The following CHEK1 variants were observed in gnomAD, a reference collection of about 807,000 sequenced individuals.
CHEK1 encodes the protein serine/threonine-protein kinase Chk1.
In CHEK1, 32 loss-of-function variants were observed where a neutral mutation model predicts 60.2. The observed-to-expected ratio is 0.53, with a 90% CI of 0.40 to 0.71. The LOEUF is 0.71. CHEK1 is among the 30% of genes least tolerant of loss of function. The pLI is 0.00. For synonymous variants in CHEK1, 179 were observed against 187.2 expected (o/e 0.96, Z 0.36); for missense variants, 399 against 564.6 (o/e 0.71, Z 2.97).
At chr11:125,643,471 TGACAGAGC>T (rs968986007) in intron 8 of CHEK1, 1 of 179,204 alleles carries the variant, frequency 5.6e-6, no homozygotes, top group African/African-American at 2.4e-5. Flanking sequence ...CCAGCCTGGG[TGACAGAGC>T]GAGACTCCGT....
chr11:125,632,384 C>T (rs2135987355), intron 5 of CHEK1, among the ~76,000 whole-genome samples: 2 of 152,258 alleles, frequency 1.3e-5, no homozygotes, highest in Non-Finnish European at 2.9e-5. Context: ...AATAGAGGGC[C>T]TTTTCTAACT....
At chr11:125,659,579 A>G (rs1410449520), downstream of CHEK1, among the ~76,000 whole-genome samples, 1 of 151,984 alleles carries the variant, frequency 6.6e-6, no homozygotes, top group African/African-American at 2.4e-5. Flanking sequence ...CTATATTTTT[A>G]CATTGTAGTT....
intron 7 of CHEK1, among the ~76,000 whole-genome samples, chr11:125,636,423 C>G (rs3731418): frequency 1.3e-4 from 20 of 152,194 alleles, no homozygotes; most frequent in East Asian, 1.2e-3. Flanking sequence ...ATCTGTGTAA[C>G]TTAATCATGA....
intron 8 of CHEK1, among the ~76,000 whole-genome samples, chr11:125,640,773 T>C (rs573315286): frequency 6.6e-6 from 1 of 151,930 alleles, no homozygotes; most frequent in African/African-American, 2.4e-5. Context: ...TTTCGCCATG[T>C]TGCCTATGCT....
chr11:125,660,839 G>T (rs898368750), downstream of CHEK1, among the ~76,000 whole-genome samples: 1 of 151,606 alleles, frequency 6.6e-6, no homozygotes, highest in African/African-American at 2.4e-5. Flanking sequence ...GAAATGGCGC[G>T]ATCTTGGCTC....
chr11:125,673,324 C>T (rs1012986180), intron 13 of CHEK1, among the ~76,000 whole-genome samples: 2 of 152,008 alleles, frequency 1.3e-5, no homozygotes, highest in African/African-American at 4.8e-5. Context: ...CCTCCCTCAG[C>T]CTCCTGAGTA....
chr11:125,678,414 T>C (rs1054092178), downstream of CHEK1: 1 of 1,251,726 alleles, frequency 8.0e-7, no homozygotes, highest in African/African-American at 1.5e-5. Context: ...TGGGCCTAGA[T>C]TGGGCACCTG....
intron 12 of CHEK1, 105 bp from the exon 13 acceptor site, chr11:125,655,120 A>G: frequency 1.3e-6 from 1 of 769,440 alleles, no homozygotes; most frequent in South Asian, 1.8e-5. Flanking sequence ...AGACATACCT[A>G]AAGATGTTTG....
chr11:125,680,607 G>C (rs768733488), downstream of CHEK1: 52 of 857,646 alleles, frequency 6.1e-5, no homozygotes, highest in Non-Finnish European at 9.1e-5. Flanking sequence ...TTGTTTAGCT[G>C]CTCTTGATTC....
chr11:125,629,576 A>C, intron 5 of CHEK1, 116 bp downstream of exon 5: 1 of 728,496 alleles, frequency 1.4e-6, no homozygotes. Flanking sequence ...TTTTTGCATT[A>C]CTGGAATTTC....
intron 13 of CHEK1, among the ~76,000 whole-genome samples, chr11:125,674,574 C>T (rs935289480): frequency 3.3e-5 from 5 of 152,166 alleles, no homozygotes; most frequent in Non-Finnish European, 5.9e-5. Context: ...CCATCAGTCA[C>T]TCCTATTACC....
intron 5 of CHEK1, among the ~76,000 whole-genome samples, chr11:125,632,492 T>C (rs1940903708): frequency 1.3e-5 from 2 of 152,226 alleles, no homozygotes. Context: ...TTCACTAATT[T>C]ATCTATTACC....
At chr11:125,643,745 A>T (rs751895267) in intron 8 of CHEK1, 47 bp from the exon 9 acceptor site, 4 of 1,455,552 alleles carry the variant, frequency 2.7e-6, no homozygotes, top group Non-Finnish European at 9.5e-7. Context: ...TTAAAAACAT[A>T]CTTGCATAGA....
rs1017741795 is a variant in CHEK1 at position 125,656,555 on chromosome 11, G to C, written c.*1235G>C. On this transcript the variant is annotated 3_prime_UTR_variant, in exon 13 of 13. Coordinates refer to ENST00000438015, the MANE Select transcript of CHEK1 (RefSeq NM_001114122.3). ...CCTATTTACGGTATGCTTAAGAATT[G>C]AATCAGTATAAATTCTCAAATATGG... 4.7e-6 allele frequency: 1 copy of C among 213,396 alleles called. No homozygotes were observed. The highest frequency in any genetic ancestry group is 2.3e-5 in the African/African-American group (1 of 44,206). 13.2% of individuals were successfully genotyped at this position (213,396 alleles called of 1,614,324 possible).
Position 125,625,667 on chromosome 11 carries a change from G to T in CHEK1, c.-366G>T. The T allele has an allele frequency of 1.6e-6, 1 of 609,186 alleles. No homozygotes were observed. Among genetic ancestry groups the T allele is most frequent in the East Asian group, 2.8e-5 (1 of 36,294 alleles). The allele number at this position is 609,186 out of a possible 1,614,324, so 37.7% of individuals were successfully genotyped here. A position where few individuals can be genotyped will look rare whatever the true frequency, so the allele number is the denominator to read the frequency against. ...GGTCGCGCGCCCCTGAGGCTTGGAG[G>T]CCTGGGCTTCCCCCAGCAGCGCTCG... On this transcript the variant is annotated 5_prime_UTR_variant, in exon 1 of 13. Coordinates refer to ENST00000438015, the MANE Select transcript of CHEK1 (RefSeq NM_001114122.3).
chr11:125,680,104 A>G (rs999242220), downstream of CHEK1, among the ~76,000 whole-genome samples: 4 of 152,246 alleles, frequency 2.6e-5, no homozygotes, highest in Admixed American at 1.3e-4. Flanking sequence ...CAAAGCAAAA[A>G]GCAAAACCTC....
downstream of CHEK1, among the ~76,000 whole-genome samples, chr11:125,660,743 A>G (rs1337017466): frequency 6.8e-6 from 1 of 146,468 alleles, no homozygotes; most frequent in Non-Finnish European, 1.5e-5. Flanking sequence ...TTCATAAAGG[A>G]TTTATTAACA....
intron 13 of CHEK1, among the ~76,000 whole-genome samples, chr11:125,674,394 T>C (rs1942380772): frequency 6.6e-6 from 1 of 152,192 alleles, no homozygotes; most frequent in Admixed American, 6.5e-5. Context: ...ATTGTTAGCA[T>C]TTCGATTAGA....
chr11:125,651,652 G>A (rs1411991296), intron 11 of CHEK1, among the ~76,000 whole-genome samples: 2 of 152,038 alleles, frequency 1.3e-5, no homozygotes, highest in Admixed American at 6.6e-5. Context: ...TTGTAAATGA[G>A]GTTTATTCTG....
Sources: gnomAD v4.1 joint callset for allele counts (sites outside exome capture counted in the v4.1 genomes callset) on GRCh38, gnomAD v4.1.1 for gene constraint, MANE v1.5 for transcripts, NCBI Gene and HGNC (gene_info 2026-07-23, HGNC 2026-07-21) for gene names.